The following PKD2 variants were observed in gnomAD, a reference collection of about 807,000 sequenced individuals.
PKD2 encodes the protein polycystin-2.
A neutral mutation model predicts 105.9 loss-of-function variants in PKD2; 48 were observed. The observed-to-expected ratio is 0.45, with a 90% CI of 0.36 to 0.58. The LOEUF (loss-of-function observed/expected upper bound fraction) is 0.58, where lower values mean the gene tolerates loss of function less well. Among genes scored for constraint, PKD2 ranks in the 20% least tolerant of loss-of-function variants. The probability of loss-of-function intolerance (pLI) is 0.00; values close to 1 mark genes in which losing one functional copy is unlikely to be tolerated. For missense variants in PKD2, 1,078 were observed against 1,255.3 expected (o/e 0.86, Z 2.13); for synonymous variants, 464 against 481.1 (o/e 0.96, Z 0.46).
At chr4:88,028,390 A>G (rs1578124175) in intron 2 of PKD2, among the ~76,000 whole-genome samples, 1 of 152,214 alleles carries the variant, frequency 6.6e-6, no homozygotes, top group South Asian at 2.1e-4. Context: ...ATTGCTCACC[A>G]CATATCTTTT....
chr4:88,074,656 C>G (rs1041409981), intron 13 of PKD2, among the ~76,000 whole-genome samples, 156 bp from the exon 14 acceptor site: 1 of 152,104 alleles, frequency 6.6e-6, no homozygotes, highest in African/African-American at 2.4e-5. Context: ...CAGCGGCATC[C>G]GAGAGTTAAT....
Position 88,075,945 on chromosome 4 carries a change from T to C in PKD2, c.*251T>C, listed in dbSNP as rs958694683. ...AGAAAAAAAATCTTCATGATGTGTA[T>C]TGAGCGGTACGCCCAGTTGCCACCA... On this transcript the variant is annotated 3_prime_UTR_variant, in exon 15 of 15. Coordinates refer to ENST00000237596, the MANE Select transcript of PKD2 (RefSeq NM_000297.4). 2.6e-5 allele frequency: 13 copies of C among 494,692 alleles called. No homozygotes were observed. In the Admixed American group the frequency reaches 4.0e-4, roughly 15 times the overall value. The allele number at this position is 494,692 out of a possible 1,614,324, so 30.6% of individuals were successfully genotyped here. A position where few individuals can be genotyped will look rare whatever the true frequency, so the allele number is the denominator to read the frequency against.
chr4:88,040,234 T>C (rs1339339164), intron 4 of PKD2, among the ~76,000 whole-genome samples: 1 of 152,170 alleles, frequency 6.6e-6, no homozygotes, highest in Non-Finnish European at 1.5e-5. Flanking sequence ...CTACTAAACC[T>C]CTTCCATATT....
At chr4:88,035,771 G>C (rs1727309111) in intron 2 of PKD2, among the ~76,000 whole-genome samples, 1 of 152,174 alleles carries the variant, frequency 6.6e-6, no homozygotes, top group Non-Finnish European at 1.5e-5. Flanking sequence ...ACAAACAATG[G>C]CTTGCCCATG....
intron 2 of PKD2, among the ~76,000 whole-genome samples, chr4:88,030,971 G>C (rs892413397): frequency 6.6e-6 from 1 of 152,176 alleles, no homozygotes; most frequent in Admixed American, 6.5e-5. Flanking sequence ...ATATACTGAT[G>C]GTCCCCAACT....
intron 13 of PKD2, among the ~76,000 whole-genome samples, chr4:88,071,424 A>T (rs537832221): frequency 6.6e-6 from 1 of 150,832 alleles, no homozygotes; most frequent in Non-Finnish European, 1.5e-5. Flanking sequence ...ATATATTTAT[A>T]ATAGGTACCT....
At position 88,019,550 on chromosome 4, in the gene PKD2, T is replaced by A; in HGVS notation, c.688T>A (p.Phe230Ile). ...ACGGGAACTGGTCACATACCTCCTT[T>A]TTCTCATAGTCTTGTGCATCTGTAA... ...VLRELVTYLL[F>I]LIVLCILTYG... is the part of the protein sequence containing the mutation. The change falls in exon 2 of 15, where the codon TTT (phenylalanine) becomes ATT (isoleucine). Residue 230 changes from phenylalanine to isoleucine, a missense_variant. Physicochemically the swap from Phe to Ile is conservative, Grantham distance 21. Transcript: ENST00000237596. 6.4e-7 allele frequency: 1 copy of A among 1,569,250 alleles called. No homozygotes were observed. Among genetic ancestry groups the A allele is most frequent in the Non-Finnish European group, 8.8e-7 (1 of 1,139,054 alleles).
chr4:88,019,592 C>A, intron 2 of PKD2, 21 bp downstream of exon 2: 2 of 1,252,684 alleles, frequency 1.6e-6, no homozygotes, highest in Non-Finnish European at 2.4e-6. Context: ...TATTTCCTTG[C>A]ACTAATGGGA....
At chr4:88,053,725 T>C (rs1720202284) in intron 7 of PKD2, among the ~76,000 whole-genome samples, 1 of 151,888 alleles carries the variant, frequency 6.6e-6, no homozygotes, top group Non-Finnish European at 1.5e-5. Flanking sequence ...GACATGCTTG[T>C]TCAAGAGAAA....
At chr4:88,024,316 G>A (rs1249872438) in intron 2 of PKD2, among the ~76,000 whole-genome samples, 2 of 151,740 alleles carry the variant, frequency 1.3e-5, no homozygotes, top group Non-Finnish European at 2.9e-5. Context: ...AATTAGCCGG[G>A]TATGTTGGCA....
chr4:88,025,207 C>G (rs1031914295), intron 2 of PKD2, among the ~76,000 whole-genome samples: 2 of 152,022 alleles, frequency 1.3e-5, no homozygotes, highest in Admixed American at 6.5e-5. Flanking sequence ...CTTATAATCC[C>G]AGTACTCTAG....
intron 2 of PKD2, among the ~76,000 whole-genome samples, chr4:88,028,395 T>C (rs1727031496): frequency 6.6e-6 from 1 of 152,194 alleles, no homozygotes; most frequent in Non-Finnish European, 1.5e-5. Flanking sequence ...TCACCACATA[T>C]CTTTTCACCA....
At chr4:88,030,925 A>G (rs1727123368) in intron 2 of PKD2, among the ~76,000 whole-genome samples, 1 of 152,220 alleles carries the variant, frequency 6.6e-6, no homozygotes, top group African/African-American at 2.4e-5. Flanking sequence ...GTTCAAGCCT[A>G]ATAATTCCTT....
At chr4:88,066,223 T>C (rs1720788691) in intron 12 of PKD2, among the ~76,000 whole-genome samples, 1 of 152,200 alleles carries the variant, frequency 6.6e-6, no homozygotes, top group South Asian at 2.1e-4. Flanking sequence ...AGCTTGCTGG[T>C]AATCAGCTTG....
At position 88,065,993 on chromosome 4, in the gene PKD2, C is replaced by G. The variant is rs1720778941; in HGVS notation, c.2358+114C>G. 8.1e-6 allele frequency: 6 copies of G among 739,862 alleles called. No homozygotes were observed. The Admixed American group carries it at 9.2e-5, about 11-fold the overall frequency. The allele number at this position is 739,862 out of a possible 1,614,324, so 45.8% of individuals were successfully genotyped here. ...TCTCTTGCCCATTCCCCACCACACTCTCTCTCTCTCTCAGTCGGTTTATGT... is the reference window on the plus strand; with the variant it reads ...TCTCTTGCCCATTCCCCACCACACTGTCTCTCTCTCTCAGTCGGTTTATGT... On this transcript the variant is annotated intron_variant, in intron 12 of 14. Transcript: ENST00000237596.
rs538721285 is a variant in PKD2, at chr4:88,065,654, G to A, written c.2241-108G>A. On this transcript the variant is annotated intron_variant, in intron 11 of 14. Transcript: ENST00000237596. ...GGAACATGTTATAAGAGGAAAACTT[G>A]CCCCCATTTGGTGATTTCTCCTTTC... is the stretch of plus-strand genomic sequence containing the variant. 8.6e-5 allele frequency: 99 copies of A among 1,150,616 alleles called. No individual in the cohort carries two copies. The African/African-American group carries it at 1.2e-3, about 14-fold the overall frequency. The allele number at this position is 1,150,616 out of a possible 1,614,324, so 71.3% of individuals were successfully genotyped here.
rs1372275233 is a variant in PKD2 at position 88,014,859 on chromosome 4, C to CT, written c.596-4598dup. ...TACAGACAGGCCTCTTCCAAGCACTCTAAGTGCTCCACAAATAATATTTCT... is the reference window on the plus strand; with the variant it reads ...TACAGACAGGCCTCTTCCAAGCACTCTTAAGTGCTCCACAAATAATATTTCT... On this transcript the variant is annotated intron_variant, in intron 1 of 14. Coordinates refer to ENST00000237596, the MANE Select transcript of PKD2 (RefSeq NM_000297.4). 6.6e-5 allele frequency among the ~76,000 whole-genome samples: 10 copies of CT among 152,332 alleles called. No individual in the cohort carries two copies. The East Asian group carries it at 1.2e-3, about 18-fold the overall frequency.
intron 2 of PKD2, among the ~76,000 whole-genome samples, chr4:88,019,923 G>C (rs973860198): frequency 2.0e-5 from 3 of 152,192 alleles, no homozygotes; most frequent in Non-Finnish European, 2.9e-5. Flanking sequence ...GTTTAACACA[G>C]GACGGGAGAG....
At chr4:88,020,777 G>C (rs1190659830) in intron 2 of PKD2, among the ~76,000 whole-genome samples, 1 of 151,060 alleles carries the variant, frequency 6.6e-6, no homozygotes, top group African/African-American at 2.4e-5. Context: ...GCAGCCTCGA[G>C]CTCCTAGGCT....
Sources: allele counts gnomAD v4.1 joint callset (sites outside exome capture counted in the v4.1 genomes callset), GRCh38; gene constraint gnomAD v4.1.1; transcripts MANE v1.5; gene names NCBI Gene and HGNC (gene_info 2026-07-23, HGNC 2026-07-21).